The following GRAMD1C variants were observed in gnomAD, a reference collection of about 807,000 sequenced individuals.
GRAMD1C encodes GRAM domain containing 1C.
Under a neutral mutation model 97.8 loss-of-function variants are expected in GRAMD1C, and 89 were observed. The ratio of observed to expected loss-of-function variants is 0.91; its 90% CI spans 0.77 to 1.09. The LOEUF (loss-of-function observed/expected upper bound fraction) is 1.09, where lower values mean the gene tolerates loss of function less well. Ranked by LOEUF, GRAMD1C falls within the 50% of genes least tolerant of loss-of-function variation. The pLI is 0.00. For missense variants in GRAMD1C, 740 were observed against 766.4 expected (o/e 0.97, Z 0.41); for synonymous variants, 256 against 267.0 (o/e 0.96, Z 0.40).
rs527386313 is a variant in GRAMD1C at position 113,942,599 on chromosome 3, A to G, written c.1908+2254A>G. Among the ~76,000 whole-genome samples, 4 of 152,284 alleles carry G rather than the reference A, an allele frequency of 2.6e-5. No homozygotes were observed. In the East Asian group the frequency reaches 5.8e-4, roughly 22 times the overall value. On this transcript the variant is annotated intron_variant, in intron 17 of 17. Transcript: ENST00000358160. ...TTTAGGAGCTGAGCGGAAGAGGGAT[A>G]GGGGAAGGAAAGGCAGAAAGGATGG...
In GRAMD1C at chr3:113,945,926, T is replaced by A. The variant is rs1938051415; in HGVS notation, c.*448T>A. ...GAAACCTCTATGTCATTACTGATTTTAAAGGTTCTGTTTTCAGGCATATAA... is the reference window on the plus strand; with the variant it reads ...GAAACCTCTATGTCATTACTGATTTAAAAGGTTCTGTTTTCAGGCATATAA... On this transcript the variant is annotated 3_prime_UTR_variant, in exon 18 of 18. Transcript: ENST00000358160. 6.5e-6 allele frequency: 1 copy of A among 153,496 alleles called. No individual in the cohort carries two copies. Among genetic ancestry groups the A allele is most frequent in the African/African-American group, 2.4e-5 (1 of 41,480 alleles). The allele number at this position is 153,496 out of a possible 1,614,324, so 9.5% of individuals were successfully genotyped here.
intron 12 of GRAMD1C, among the ~76,000 whole-genome samples, 198 bp from the exon 13 acceptor site, chr3:113,934,234 G>A (rs1010749622): frequency 6.6e-6 from 1 of 152,072 alleles, no homozygotes; most frequent in Non-Finnish European, 1.5e-5. Context: ...GTACTTAGAA[G>A]GAAAATTTGA....
chr3:113,938,222 T>C, intron 15 of GRAMD1C, 79 bp downstream of exon 15: 1 of 697,764 alleles, frequency 1.4e-6, no homozygotes, highest in South Asian at 2.0e-5. Context: ...TTTGAATGTA[T>C]TTGTATATTA....
intron 10 of GRAMD1C, chr3:113,919,208 T>C: frequency 2.8e-6 from 1 of 360,864 alleles, no homozygotes; most frequent in Non-Finnish European, 5.4e-6. Context: ...GGGGATGTGG[T>C]GGCCGTGCTG....
intron 1 of GRAMD1C, among the ~76,000 whole-genome samples, chr3:113,831,591 A>T (rs1709558539): frequency 6.6e-6 from 1 of 151,850 alleles, no homozygotes. Flanking sequence ...TACAGGTCTT[A>T]TGGGTTCTGT....
At chr3:113,919,758 A>G (rs1423945708) in intron 10 of GRAMD1C, 2 of 587,606 alleles carry the variant, frequency 3.4e-6, no homozygotes, top group Non-Finnish European at 6.4e-6. Flanking sequence ...TAATTTGAAT[A>G]TAGTAAGTCA....
At chr3:113,927,533 C>T (rs560399060) in intron 10 of GRAMD1C, among the ~76,000 whole-genome samples, 3 of 152,352 alleles carry the variant, frequency 2.0e-5, no homozygotes, top group East Asian at 3.9e-4. Flanking sequence ...CAGGCCTGCA[C>T]ATCCTGCTCA....
At chr3:113,875,659 CTACTT>C in intron 4 of GRAMD1C, 72 bp downstream of exon 4, 2 of 743,730 alleles carry the variant, frequency 2.7e-6, no homozygotes, top group Non-Finnish European at 2.4e-6. Context: ...TCCAAAAACT[CTACTT>C]TAGATGATTC....
intron 1 of GRAMD1C, among the ~76,000 whole-genome samples, chr3:113,839,221 C>T (rs543416853): frequency 1.3e-5 from 2 of 152,262 alleles, no homozygotes; most frequent in South Asian, 4.1e-4. Context: ...CCCAGGCCCC[C>T]TTGGGTCAGG....
chr3:113,924,687 T>C (rs1180471526), intron 10 of GRAMD1C, among the ~76,000 whole-genome samples: 4 of 152,226 alleles, frequency 2.6e-5, no homozygotes, highest in Non-Finnish European at 5.9e-5. Context: ...TAATGGCTGA[T>C]TGTGTGGTCG....
intron 8 of GRAMD1C, among the ~76,000 whole-genome samples, chr3:113,905,133 C>G (rs1936323830): frequency 6.6e-6 from 1 of 152,180 alleles, no homozygotes. Flanking sequence ...CATGCCCGGC[C>G]AACACTTCAG....
chr3:113,925,398 AG>A (rs1937197847), intron 10 of GRAMD1C, among the ~76,000 whole-genome samples: 1 of 152,186 alleles, frequency 6.6e-6, no homozygotes, highest in Admixed American at 6.5e-5. Context: ...CTGAGACAGC[AG>A]AATTGCTTGA....
chr3:113,935,627 T>C (rs1001038440), intron 13 of GRAMD1C, among the ~76,000 whole-genome samples: 11 of 151,868 alleles, frequency 7.2e-5, no homozygotes, highest in African/African-American at 2.4e-4. Context: ...CTCAAGGTAA[T>C]TTAAGGCTTA....
At chr3:113,905,198 G>T (rs1936326996) in intron 8 of GRAMD1C, among the ~76,000 whole-genome samples, 1 of 152,138 alleles carries the variant, frequency 6.6e-6, no homozygotes, top group Non-Finnish European at 1.5e-5. Flanking sequence ...TTCTCAGTTT[G>T]CTCCCTCTGC....
intron 1 of GRAMD1C, among the ~76,000 whole-genome samples, chr3:113,832,489 A>G (rs1020149588): frequency 3.3e-5 from 5 of 152,196 alleles, no homozygotes; most frequent in African/African-American, 4.8e-5. Context: ...ATCCATTTCA[A>G]GTATGGTTCA....
chr3:113,839,192 C>G (rs1374203802), intron 1 of GRAMD1C, among the ~76,000 whole-genome samples: 4 of 152,128 alleles, frequency 2.6e-5, no homozygotes, highest in Admixed American at 6.6e-5. Flanking sequence ...CCGAAATGTC[C>G]TGGTGCGGAT....
chr3:113,890,839 G>A, intron 6 of GRAMD1C: 1 of 652,352 alleles, frequency 1.5e-6, no homozygotes, highest in Non-Finnish European at 2.8e-6. Flanking sequence ...AGCCAAGGGA[G>A]AAACTAAGTT....
chr3:113,866,382 AT>A (rs1934586653), intron 2 of GRAMD1C, among the ~76,000 whole-genome samples: 1 of 152,254 alleles, frequency 6.6e-6, no homozygotes, highest in South Asian at 2.1e-4. Context: ...TACTGTTTGC[AT>A]GGTATATCTT....
At chr3:113,832,111 A>G (rs1329666295) in intron 1 of GRAMD1C, among the ~76,000 whole-genome samples, 3 of 151,792 alleles carry the variant, frequency 2.0e-5, no homozygotes, top group Non-Finnish European at 2.9e-5. Flanking sequence ...ATCTCGATTC[A>G]TTGCAGCCTC....
Sources: allele counts gnomAD v4.1 joint callset (sites outside exome capture counted in the v4.1 genomes callset), GRCh38; gene constraint gnomAD v4.1.1; transcripts MANE v1.5; gene names NCBI Gene and HGNC (gene_info 2026-07-23, HGNC 2026-07-21).